The following PCDH9 variants were observed in gnomAD, a reference collection of about 807,000 sequenced individuals.
The protein encoded by PCDH9 is protocadherin-9.
A neutral mutation model predicts 70.6 loss-of-function variants in PCDH9; 24 were observed. The ratio of observed to expected loss-of-function variants is 0.34; its 90% CI spans 0.25 to 0.48. The LOEUF (loss-of-function observed/expected upper bound fraction) is 0.48. Ranked by LOEUF, PCDH9 falls within the 20% of genes least tolerant of loss-of-function variation. PCDH9 has a pLI of 0.99. For synonymous variants in PCDH9, 562 were observed against 558.5 expected (o/e 1.01, Z -0.09); for missense variants, 1,281 against 1,503.6 (o/e 0.85, Z 2.45).
chr13:66,760,820 C>T (rs1022998414), intron 3 of PCDH9, among the ~76,000 whole-genome samples: 11 of 151,984 alleles, frequency 7.2e-5, no homozygotes, highest in African/African-American at 2.2e-4. Flanking sequence ...GGGGAGGTCT[C>T]GAAAATGGCT....
At chr13:66,511,224 TTA>T (rs1257408882) in intron 4 of PCDH9, among the ~76,000 whole-genome samples, 1 of 152,176 alleles carries the variant, frequency 6.6e-6, no homozygotes, top group African/African-American at 2.4e-5. Context: ...ACAAAAATTT[TTA>T]TATTAGTTTT....
intron 2 of PCDH9, among the ~76,000 whole-genome samples, chr13:66,950,781 G>A (rs963478195): frequency 6.6e-6 from 1 of 152,072 alleles, no homozygotes; most frequent in African/African-American, 2.4e-5. Flanking sequence ...TTAAAACCAT[G>A]TGAAGAGCTT....
At chr13:67,162,981 G>A (rs1566466117) in intron 2 of PCDH9, among the ~76,000 whole-genome samples, 2 of 152,140 alleles carry the variant, frequency 1.3e-5, no homozygotes, top group Non-Finnish European at 2.9e-5. Flanking sequence ...TTGCGATCCA[G>A]TTCTTCCACA....
intron 2 of PCDH9, among the ~76,000 whole-genome samples, chr13:66,962,393 C>T (rs2083363092): frequency 8.2e-6 from 1 of 122,518 alleles, no homozygotes; most frequent in Non-Finnish European, 1.7e-5. Flanking sequence ...AAAACACCAC[C>T]AATGACAGTC....
intron 2 of PCDH9, among the ~76,000 whole-genome samples, chr13:67,156,877 T>A (rs1052353455): frequency 6.6e-6 from 1 of 152,126 alleles, no homozygotes. Context: ...GTCTGAGCAG[T>A]GGGGCACTGG....
In PCDH9 at chr13:67,227,820, C is replaced by G. The variant is rs1313177235; in HGVS notation, c.621G>C (p.Gln207His). 6.2e-7 allele frequency: 1 copy of G among 1,614,066 alleles called. No individual in the cohort carries two copies. The highest frequency in any genetic ancestry group is 8.5e-7 in the Non-Finnish European group (1 of 1,179,942). The change falls in exon 2 of 5, where the codon CAG becomes CAC. Residue 207 changes from glutamine (Q) to histidine (H), a missense_variant. Coordinates refer to ENST00000377865, the MANE Select transcript of PCDH9 (RefSeq NM_203487.3). This position sits in a 1 kb window ranked among gnomAD's most constrained non-coding sequence, Gnocchi z 4.6. ...EGEKWPQLIVQQNLDREQKDT... is the reference protein window; with the variant it reads ...EGEKWPQLIVHQNLDREQKDT... ...CTTTCTGTTCTCTATCCAAGTTTTG[C>G]TGAACAATCAGTTGTGGCCACTTCT...
rs142799925 is a variant in PCDH9, at chr13:67,111,009, C to T, written c.3036+114396G>A. Among the ~76,000 whole-genome samples the T allele has an allele frequency of 4.6e-5, 7 of 152,316 alleles. No individual in the cohort carries two copies. The East Asian group carries it at 1.4e-3, about 29-fold the overall frequency. ...CCTAGCATTTAGAACATAGTGACTA[C>T]TCAATGCATATGGCTGATTGAATTA... On this transcript the variant is annotated intron_variant, in intron 2 of 4. Transcript: ENST00000377865.
intron 2 of PCDH9, chr13:67,205,685 G>C (rs2089322272): frequency 6.6e-6 from 1 of 152,066 alleles, no homozygotes; most frequent in South Asian, 2.1e-4. Flanking sequence ...ATATCATTCC[G>C]AGAATCAATT....
At chr13:66,471,505 G>C (rs753033275) in intron 4 of PCDH9, among the ~76,000 whole-genome samples, 4 of 152,006 alleles carry the variant, frequency 2.6e-5, no homozygotes, top group Non-Finnish European at 4.4e-5. Flanking sequence ...GTAATTCTTT[G>C]AAATTACCAA....
At chr13:66,570,320 C>T (rs1044064263) in intron 4 of PCDH9, among the ~76,000 whole-genome samples, 21 of 152,068 alleles carry the variant, frequency 1.4e-4, no homozygotes, top group East Asian at 1.9e-4. Flanking sequence ...TGAGAGATTC[C>T]GGTGTTGGAA....
chr13:66,965,689 G>T (rs2083423353), intron 2 of PCDH9, among the ~76,000 whole-genome samples: 1 of 151,190 alleles, frequency 6.6e-6, no homozygotes, highest in Non-Finnish European at 1.5e-5. Flanking sequence ...TTATTGTATT[G>T]CTTATGAATA....
chr13:67,017,858 A>C (rs1030668517), intron 2 of PCDH9, among the ~76,000 whole-genome samples: 4 of 152,216 alleles, frequency 2.6e-5, no homozygotes, highest in Non-Finnish European at 5.9e-5. Context: ...AAAATTACAC[A>C]TCCAATAATC....
At chr13:67,219,723 A>G (rs2089683202) in intron 2 of PCDH9, 1 of 152,012 alleles carries the variant, frequency 6.6e-6, no homozygotes, top group African/African-American at 2.4e-5. Context: ...AAAATATTAA[A>G]TGTGAAGTTG....
chr13:66,994,939 C>A lies in PCDH9; in HGVS notation c.3037-91334G>T, dbSNP rs140650362. 5.3e-5 allele frequency among the ~76,000 whole-genome samples: 8 copies of A among 152,210 alleles called. No individual in the cohort carries two copies. The East Asian group carries it at 1.5e-3, about 29-fold the overall frequency. On this transcript the variant is annotated intron_variant, in intron 2 of 4. Coordinates refer to ENST00000377865, the MANE Select transcript of PCDH9 (RefSeq NM_203487.3). ...GAATTTCTAAAACCTTTTAAACGGG[C>A]TTAAGTTTTGTAATCCATTTACGGA...
chr13:66,779,815 A>ATCTCTCTC (rs1225450927), intron 3 of PCDH9, among the ~76,000 whole-genome samples: 1,284 of 100,864 alleles, frequency 0.013, 22 homozygotes, highest in Non-Finnish European at 0.019. Flanking sequence ...GCGAGACTCC[A>ATCTCTCTC]TCTCTCTCTC....
At chr13:66,509,127 C>T (rs891300623) in intron 4 of PCDH9, among the ~76,000 whole-genome samples, 2 of 152,176 alleles carry the variant, frequency 1.3e-5, no homozygotes, top group Non-Finnish European at 2.9e-5. Context: ...TGACCAACTT[C>T]CCCTCAGCCC....
At chr13:67,060,131 G>A (rs1299016219) in intron 2 of PCDH9, among the ~76,000 whole-genome samples, 1 of 151,992 alleles carries the variant, frequency 6.6e-6, no homozygotes, top group Non-Finnish European at 1.5e-5. Context: ...ACAAAGGAAG[G>A]CAAATAACAC....
intron 4 of PCDH9, among the ~76,000 whole-genome samples, chr13:66,387,050 T>C (rs113042543): frequency 2.6e-4 from 40 of 152,312 alleles, no homozygotes; most frequent in African/African-American, 8.9e-4. Flanking sequence ...AACCATTTAC[T>C]CTTCTACACT....
At chr13:66,685,293 T>A (rs887753479) in intron 3 of PCDH9, among the ~76,000 whole-genome samples, 2 of 152,226 alleles carry the variant, frequency 1.3e-5, no homozygotes, top group African/African-American at 4.8e-5. Context: ...AGGGCCAAAG[T>A]ACAGCTCATA....
Sources: allele counts gnomAD v4.1 joint callset (sites outside exome capture counted in the v4.1 genomes callset), GRCh38; gene constraint gnomAD v4.1.1; non-coding constraint Gnocchi (gnomAD v3.1); transcripts MANE v1.5; gene names NCBI Gene and HGNC (gene_info 2026-07-23, HGNC 2026-07-21).